The following CHD2 variants were observed in gnomAD, a reference collection of about 807,000 sequenced individuals.
CHD2 encodes chromodomain helicase DNA binding protein 2.
Under a neutral mutation model 243.9 loss-of-function variants are expected in CHD2, and 28 were observed. That is an observed-to-expected ratio of 0.11 (90% CI 0.09 to 0.16). CHD2 has a LOEUF of 0.16. CHD2 is among the 10% of genes least tolerant of loss of function. The pLI is 1.00. For synonymous variants in CHD2, 775 were observed against 779.0 expected (o/e 0.99, Z 0.09); for missense variants, 1,386 against 2,209.8 (o/e 0.63, Z 7.47).
chr15:92,941,552 A>C (rs1039218750), intron 7 of CHD2, among the ~76,000 whole-genome samples: 1 of 152,136 alleles, frequency 6.6e-6, no homozygotes, highest in African/African-American at 2.4e-5. Flanking sequence ...AAGTGTCCTT[A>C]TAGTTTTCTA....
chr15:92,973,117 C>A (rs2053864034), intron 19 of CHD2, among the ~76,000 whole-genome samples: 1 of 152,118 alleles, frequency 6.6e-6, no homozygotes, highest in South Asian at 2.1e-4. Flanking sequence ...ATCAGACATT[C>A]CCCCCAAAAG....
intron 13 of CHD2, among the ~76,000 whole-genome samples, chr15:92,952,085 T>A (rs920565576): frequency 6.6e-6 from 1 of 152,248 alleles, no homozygotes; most frequent in African/African-American, 2.4e-5. Context: ...ATGTCTTACA[T>A]GTAATCCTAA....
chr15:92,999,750 A>G (rs1359962589), intron 31 of CHD2, among the ~76,000 whole-genome samples: 1 of 152,198 alleles, frequency 6.6e-6, no homozygotes, highest in Non-Finnish European at 1.5e-5. Context: ...CAGAGGTTAG[A>G]TCATGTTACA....
intron 19 of CHD2, among the ~76,000 whole-genome samples, chr15:92,973,075 C>T (rs909778724): frequency 2.0e-5 from 3 of 152,120 alleles, no homozygotes; most frequent in Non-Finnish European, 2.9e-5. Flanking sequence ...AGCTCAATTC[C>T]AGGAGCCCAA....
At chr15:92,956,161 T>G (rs2053615473) in intron 15 of CHD2, among the ~76,000 whole-genome samples, 1 of 152,082 alleles carries the variant, frequency 6.6e-6, no homozygotes. Context: ...TCATATGGTT[T>G]TTTTGTTTTA....
chr15:92,931,860 G>A (rs1019654106), intron 5 of CHD2, among the ~76,000 whole-genome samples: 13 of 145,852 alleles, frequency 8.9e-5, no homozygotes, highest in Admixed American at 7.0e-4. Context: ...CATTGCTGAC[G>A]TACTTTTTTT....
Position 92,998,601 on chromosome 15 carries a change from G to T in CHD2, c.3988G>T (p.Ala1330Ser), listed in dbSNP as rs1596447856. 2 of 1,612,746 alleles carry T rather than the reference G, an allele frequency of 1.2e-6. No individual in the cohort carries two copies. The highest frequency in any genetic ancestry group is 2.7e-5 in the African/African-American group (2 of 74,854). The change falls in exon 31 of 39, where the codon GCT (alanine) becomes TCT (serine). Residue 1330 changes from alanine to serine, a missense_variant. This residue lies in a region of CHD2 where 125 missense variants were observed against 128.9 expected (regional missense o/e 0.97). Coordinates refer to ENST00000394196, the MANE Select transcript of CHD2 (RefSeq NM_001271.4). The surrounding 1 kb of genome is among the most constrained non-coding windows in gnomAD (Gnocchi z 5.1). ...LLRKGLEKKG[A>S]VTGGEEAKLK... ...CAGAAAGGGTCTGGAGAAGAAGGGG[G>T]CTGTGACAGGTGGGGAAGAGGTGAG...
Position 92,901,270 on chromosome 15 carries a change from G to C in CHD2, c.33G>C (p.Glu11Asp). ...GAAATAAGGACAAAAGCCAAGAGGA[G>C]GACAGTTCGCTACACAGCAATGCAT... MMRNKDKSQEEDSSLHSNASS... is the reference protein window; with the variant it reads MMRNKDKSQEDDSSLHSNASS... The change falls in exon 2 of 39, where the codon GAG becomes GAC. Residue 11 changes from glutamate (E) to aspartate (D), a missense_variant. By Grantham distance (45) the Glu-to-Asp change is conservative (BLOSUM62 2). This residue lies in a region of CHD2 where 89 missense variants were observed against 102.4 expected (regional missense o/e 0.87). Transcript: ENST00000394196. 3.7e-6 allele frequency: 6 copies of C among 1,608,126 alleles called. No individual in the cohort carries two copies. The highest frequency in any genetic ancestry group is 5.1e-6 in the Non-Finnish European group (6 of 1,175,180).
chr15:92,957,760 T>C (rs1329094885), intron 16 of CHD2, among the ~76,000 whole-genome samples: 1 of 152,170 alleles, frequency 6.6e-6, no homozygotes, highest in African/African-American at 2.4e-5. Context: ...CCATCATCAT[T>C]GTCCAGTTTT....
At chr15:92,940,849 T>C (rs1390442147) in intron 7 of CHD2, among the ~76,000 whole-genome samples, 3 of 104,712 alleles carry the variant, frequency 2.9e-5, no homozygotes, top group African/African-American at 8.5e-5. Context: ...AAAATATATA[T>C]AAATATATAA....
At chr15:92,922,481 G>A (rs1359411588) in intron 2 of CHD2, among the ~76,000 whole-genome samples, 1 of 152,096 alleles carries the variant, frequency 6.6e-6, no homozygotes, top group Non-Finnish European at 1.5e-5. Context: ...CATGGTAACT[G>A]AAAGGCCTCC....
chr15:92,902,101 T>C (rs1340826473), intron 2 of CHD2: 1 of 397,566 alleles, frequency 2.5e-6, no homozygotes, highest in African/African-American at 2.1e-5. Context: ...GACATTGATT[T>C]CCTGTTGGTA....
intron 36 of CHD2, 39 bp from the exon 37 acceptor site, chr15:93,014,657 T>C: frequency 6.3e-7 from 1 of 1,581,914 alleles, no homozygotes; most frequent in Non-Finnish European, 8.7e-7. Flanking sequence ...GAATTAAGCC[T>C]GGGATCTTGA....
At chr15:92,961,597 A>G (rs2053688408) in intron 16 of CHD2, among the ~76,000 whole-genome samples, 2 of 151,976 alleles carry the variant, frequency 1.3e-5, no homozygotes, top group Admixed American at 6.6e-5. Context: ...TTATTTGTAG[A>G]GATGGGTTCT....
At chr15:92,921,230 G>T (rs974946109) in intron 2 of CHD2, 3 of 152,368 alleles carry the variant, frequency 2.0e-5, no homozygotes, top group African/African-American at 7.2e-5. Flanking sequence ...TATTTAATTT[G>T]CTGTGTCCGC....
chr15:92,935,195 C>T (rs919529789), intron 5 of CHD2, among the ~76,000 whole-genome samples: 2 of 152,084 alleles, frequency 1.3e-5, no homozygotes, highest in Non-Finnish European at 2.9e-5. Flanking sequence ...GCCACCACGC[C>T]TGGCTAATTG....
intron 2 of CHD2, among the ~76,000 whole-genome samples, chr15:92,912,696 G>A (rs1330303518): frequency 2.6e-5 from 4 of 151,688 alleles, no homozygotes; most frequent in African/African-American, 9.8e-5. Flanking sequence ...ACCACGCCTG[G>A]CTAATTTTTT....
At chr15:92,953,675 A>G in intron 14 of CHD2, 102 bp downstream of exon 14, 1 of 1,041,394 alleles carries the variant, frequency 9.6e-7, no homozygotes, top group South Asian at 1.4e-5. Context: ...TGTGGTTATT[A>G]TTCTGATACT....
intron 2 of CHD2, among the ~76,000 whole-genome samples, chr15:92,916,500 A>C (rs913145695): frequency 6.6e-6 from 1 of 152,222 alleles, no homozygotes; most frequent in African/African-American, 2.4e-5. Context: ...CGTCCTATAC[A>C]AGTTTGATAA....
Sources: allele counts gnomAD v4.1 joint callset (sites outside exome capture counted in the v4.1 genomes callset), GRCh38; gene constraint gnomAD v4.1.1; regional missense constraint gnomAD v4.1.1; non-coding constraint Gnocchi (gnomAD v3.1); transcripts MANE v1.5; gene names NCBI Gene and HGNC (gene_info 2026-07-23, HGNC 2026-07-21).